Variants in NOX5 observed in about 807,000 individuals in gnomAD.
NOX5 encodes NADPH oxidase 5, also known as NADPH oxidase, EF-hand calcium binding domain 5.
In NOX5, 76 loss-of-function variants were observed where a neutral mutation model predicts 85.7. That is an observed-to-expected ratio of 0.89 (90% CI 0.74 to 1.07). The LOEUF is 1.07. Ranked by LOEUF, NOX5 falls within the 50% of genes least tolerant of loss-of-function variation. The pLI is 0.00. For missense variants in NOX5, 973 were observed against 999.5 expected, an observed-to-expected ratio of 0.97 and a Z score of 0.36; for synonymous variants, 405 against 401.4, an observed-to-expected ratio of 1.01 and a Z score of -0.11.
intron 1 of NOX5, among the ~76,000 whole-genome samples, chr15:69,026,170 G>C (rs1423627489): frequency 6.6e-6 from 1 of 152,222 alleles, no homozygotes; most frequent in Non-Finnish European, 1.5e-5. Context: ...GTAAAGATCT[G>C]TGTAAAGGCA....
chr15:69,031,199 G>A (rs1229947735), intron 3 of NOX5: 5 of 426,202 alleles, frequency 1.2e-5, no homozygotes, highest in Non-Finnish European at 2.1e-5. Context: ...CATACAGTGT[G>A]CCTTTGGATA....
At chr15:69,022,286 C>CT (rs2050304669) in intron 1 of NOX5, 1 of 193,900 alleles carries the variant, frequency 5.2e-6, no homozygotes, top group Admixed American at 5.2e-5. Context: ...ACACCAATGG[C>CT]TTACCCAAGG....
intron 14 of NOX5, among the ~76,000 whole-genome samples, chr15:69,050,006 C>T (rs140669795): frequency 4.1e-4 from 62 of 152,330 alleles, no homozygotes; most frequent in African/African-American, 1.4e-3. Context: ...ACTTGTAACC[C>T]CTGGCAACCA....
intron 5 of NOX5, among the ~76,000 whole-genome samples, chr15:69,034,153 T>TA (rs2050481682): frequency 6.6e-6 from 1 of 152,254 alleles, no homozygotes; most frequent in Admixed American, 6.5e-5. Context: ...CTAGCTCAGA[T>TA]ACGCTTCTGG....
chr15:69,019,527 G>A (rs2050272902), intron 1 of NOX5, among the ~76,000 whole-genome samples: 1 of 152,168 alleles, frequency 6.6e-6, no homozygotes, highest in Non-Finnish European at 1.5e-5. Flanking sequence ...TCACAAGAAT[G>A]GTGTATGCTC....
At chr15:69,041,820 C>A (rs999132672) in intron 9 of NOX5, among the ~76,000 whole-genome samples, 1 of 152,204 alleles carries the variant, frequency 6.6e-6, no homozygotes, top group African/African-American at 2.4e-5. Context: ...TGTGGCCCAA[C>A]ACAAATTCAT....
chr15:69,014,701 C>G lies in NOX5; in HGVS notation c.-35C>G. ...TGCAGGCAGCTCAATGGACAGCAGT[C>G]TTTCTGGGACCTGTGATCTAGAAGA... On this transcript the variant is annotated 5_prime_UTR_variant, in exon 1 of 16. Coordinates refer to ENST00000388866, the MANE Select transcript of NOX5 (RefSeq NM_024505.4). 6.5e-7 allele frequency: 1 copy of G among 1,550,232 alleles called. No homozygotes were observed. Among genetic ancestry groups the G allele is most frequent in the South Asian group, 1.2e-5 (1 of 83,978 alleles).
intron 1 of NOX5, among the ~76,000 whole-genome samples, chr15:69,017,133 CT>C (rs1284395820): frequency 1.3e-5 from 2 of 151,350 alleles, no homozygotes; most frequent in Non-Finnish European, 2.9e-5. Context: ...ATAGAAATTT[CT>C]AAGTATTTAT....
chr15:69,019,069 C>T (rs1010655757), intron 1 of NOX5, among the ~76,000 whole-genome samples: 2 of 152,142 alleles, frequency 1.3e-5, no homozygotes, highest in Admixed American at 6.5e-5. Flanking sequence ...CACTATGTTG[C>T]GCAGGCTGGT....
chr15:69,048,015 C>T (rs2050697615), intron 13 of NOX5, 104 bp downstream of exon 13: 1 of 939,902 alleles, frequency 1.1e-6, no homozygotes, highest in Admixed American at 2.1e-5. Context: ...GATAGGTGAT[C>T]CCTAATGGGA....
In NOX5 at chr15:69,058,263, C is replaced by G. The variant is rs1015434317; in HGVS notation, c.*1567C>G. On this transcript the variant is annotated 3_prime_UTR_variant, in exon 16 of 16. Coordinates refer to ENST00000388866, the MANE Select transcript of NOX5 (RefSeq NM_024505.4). ...GGATCATAACCTGGATGATGATGTC[C>G]CTTATCTAAGGTGGGGCTGGGATGC... is the stretch of plus-strand genomic sequence containing the variant. 1.6e-4 allele frequency: 25 copies of G among 152,380 alleles called. No homozygotes were observed. The highest frequency in any genetic ancestry group is 5.3e-4 in the African/African-American group (22 of 41,510). The allele number at this position is 152,380 out of a possible 1,614,324, so 9.4% of individuals were successfully genotyped here.
At chr15:69,038,767 G>C in intron 8 of NOX5, 90 bp from the exon 9 acceptor site, 1 of 1,577,210 alleles carries the variant, frequency 6.3e-7, no homozygotes, top group East Asian at 2.2e-5. Context: ...TATGGAGGAG[G>C]AGGGCAGCCC....
Position 69,057,593 on chromosome 15 carries a change from C to T in NOX5, c.*897C>T, listed in dbSNP as rs2050828726. ...ATGGAGACAGCCTCTTTGTGTGCCT[C>T]TCTCTGTCGTGGAAAGGCCAAGTGC... On this transcript the variant is annotated 3_prime_UTR_variant, in exon 16 of 16. Transcript: ENST00000388866. 1 of 152,272 alleles carries T rather than the reference C, an allele frequency of 6.6e-6. No homozygotes were observed. The highest frequency in any genetic ancestry group is 2.4e-5 in the African/African-American group (1 of 41,448). 9.4% of individuals were successfully genotyped at this position (152,272 alleles called of 1,614,324 possible).
rs147937844 is a variant in NOX5, at chr15:69,026,607, G to T, written c.130G>T (p.Glu44Ter). ...QFKTIAGEDG[E>*]ISLQEFKAAL... ...TAAGACCATTGCAGGAGAAGATGGG[G>T]AGATCAGCCTGCAAGAATTCAAAGC... Residue 44 changes from glutamate (E) to a stop codon, truncating the protein, a stop_gained, in exon 2 of 16, where the codon GAG (glutamate) becomes TAG (stop). Coordinates refer to ENST00000388866, the MANE Select transcript of NOX5 (RefSeq NM_024505.4). LOFTEE classifies it high-confidence loss of function. The T allele has an allele frequency of 6.2e-7, 1 of 1,614,212 alleles. No homozygotes were observed. The highest frequency in any genetic ancestry group is 8.5e-7 in the Non-Finnish European group (1 of 1,180,034).
At chr15:69,052,783 T>A (rs2050765388) in intron 14 of NOX5, among the ~76,000 whole-genome samples, 1 of 152,248 alleles carries the variant, frequency 6.6e-6, no homozygotes, top group Non-Finnish European at 1.5e-5. Flanking sequence ...TCCTTGCCCT[T>A]TCTTGTAAAT....
intron 8 of NOX5, chr15:69,037,503 C>G: frequency 2.6e-6 from 1 of 380,818 alleles, no homozygotes. Flanking sequence ...GGTGCCAGGC[C>G]CTGAACTAGG....
intron 8 of NOX5, chr15:69,038,105 C>T (rs1457828288): frequency 6.6e-6 from 1 of 152,366 alleles, no homozygotes; most frequent in African/African-American, 2.4e-5. Context: ...CACAGAAAGA[C>T]TCAAGAAGCA....
intron 14 of NOX5, 104 bp downstream of exon 14, chr15:69,049,162 A>C: frequency 1.7e-6 from 1 of 599,830 alleles, no homozygotes; most frequent in Non-Finnish European, 2.7e-6. Context: ...CCTAAAATGA[A>C]CCATTTAACC....
intron 4 of NOX5, among the ~76,000 whole-genome samples, chr15:69,032,718 GC>G (rs1384007587): frequency 6.6e-6 from 1 of 152,154 alleles, no homozygotes; most frequent in Non-Finnish European, 1.5e-5. Context: ...GCACCTACCT[GC>G]CTATTAACTT....
Sources: allele counts gnomAD v4.1 joint callset (sites outside exome capture counted in the v4.1 genomes callset), GRCh38; gene constraint gnomAD v4.1.1; transcripts MANE v1.5; gene names NCBI Gene and HGNC (gene_info 2026-07-23, HGNC 2026-07-21).